Variants in SRPK2 observed in about 807,000 individuals in gnomAD.
SRPK2 encodes SFRS protein kinase 2.
SRPK2 carries 21 observed loss-of-function variants against 90.8 expected under a neutral mutation model. The ratio of observed to expected loss-of-function variants is 0.23; its 90% CI spans 0.16 to 0.33. The LOEUF (loss-of-function observed/expected upper bound fraction) is 0.33, where lower values mean the gene tolerates loss of function less well. SRPK2 is among the 10% of genes least tolerant of loss of function. The pLI is 1.00. For missense variants in SRPK2, 620 were observed against 869.0 expected, an observed-to-expected ratio of 0.71 and a Z score of 3.60; for synonymous variants, 288 against 311.1, an observed-to-expected ratio of 0.93 and a Z score of 0.78.
chr7:105,376,508 T>A (rs1316403212), intron 2 of SRPK2, among the ~76,000 whole-genome samples: 2 of 151,548 alleles, frequency 1.3e-5, no homozygotes, highest in African/African-American at 4.8e-5. Flanking sequence ...TCTAACTTTC[T>A]ACTAGCTCCT....
intron 2 of SRPK2, among the ~76,000 whole-genome samples, chr7:105,349,859 C>T (rs1816946548): frequency 6.6e-6 from 1 of 152,074 alleles, no homozygotes; most frequent in South Asian, 2.1e-4. Context: ...CTGCCTCAGC[C>T]TCCTGCATAG....
At position 105,142,278 on chromosome 7, in the gene SRPK2, A is replaced by G. The variant is rs1803892496; in HGVS notation, c.1273T>C (p.Tyr425His). The G allele has an allele frequency of 1.2e-6, 2 of 1,614,000 alleles. No homozygotes were observed. The highest frequency in any genetic ancestry group is 1.3e-5 in the African/African-American group (1 of 74,892). Residue 425 changes from tyrosine (Y) to histidine (H), a missense_variant, in exon 11 of 16, where the codon TAT (tyrosine) becomes CAT (histidine). By Grantham distance (83) the Tyr-to-His change is moderately conservative. Coordinates refer to ENST00000393651, the MANE Select transcript of SRPK2 (RefSeq NM_182692.3). The part of the protein sequence containing the change: ...DEEDCPNPEE[Y>H]NLDEPNAESD... ...TCTGCATTTGGCTCATCAAGATTAT[A>G]TTCCTCAGGATTTGGGCAGTCTTCT...
intron 2 of SRPK2, among the ~76,000 whole-genome samples, chr7:105,211,305 G>C (rs974445590): frequency 3.9e-5 from 6 of 151,978 alleles, no homozygotes; most frequent in African/African-American, 1.2e-4. Context: ...TCCAGAATGG[G>C]AAACAGTTCT....
rs1379753857 is a variant in SRPK2, at chr7:105,203,686, CTCT to C, written c.168_170del (p.Glu59del). The C allele has an allele frequency of 1.3e-6, 2 of 1,576,268 alleles. No homozygotes were observed. The highest frequency in any genetic ancestry group is 1.7e-6 in the Non-Finnish European group (2 of 1,164,244). On this transcript the variant is annotated inframe_deletion, in exon 3 of 16. Transcript: ENST00000393651. ...CATCATCTGATCCCAGGATCTCCTC[CTCT>C]GGCTCCGGGGGTGTGGGGTCTGGCA...
intron 2 of SRPK2, among the ~76,000 whole-genome samples, chr7:105,216,525 G>A (rs533744956): frequency 2.6e-5 from 4 of 152,060 alleles, no homozygotes; most frequent in Non-Finnish European, 4.4e-5. Flanking sequence ...ATGGTGGCAC[G>A]CGCCTGTGGT....
chr7:105,122,004 C>G (rs909496032), intron 15 of SRPK2, among the ~76,000 whole-genome samples: 1 of 152,078 alleles, frequency 6.6e-6, no homozygotes. Context: ...ATTGTGTACA[C>G]GTAGAAAGTA....
intron 2 of SRPK2, among the ~76,000 whole-genome samples, chr7:105,375,480 A>C (rs1032896007): frequency 6.6e-6 from 1 of 152,218 alleles, no homozygotes; most frequent in Non-Finnish European, 1.5e-5. Flanking sequence ...CCAGGAGTTT[A>C]AGACTAACCT....
intron 2 of SRPK2, among the ~76,000 whole-genome samples, chr7:105,247,529 T>C (rs6958345): frequency 0.32 from 14,792 of 46,182 alleles, 2,403 homozygotes; most frequent in African/African-American, 0.49. Flanking sequence ...CACACACACA[T>C]AAACACACAC....
chr7:105,118,672 G>A (rs948526200), intron 15 of SRPK2, among the ~76,000 whole-genome samples: 6 of 152,130 alleles, frequency 3.9e-5, no homozygotes, highest in Admixed American at 3.3e-4. Context: ...AATCCTAGCC[G>A]TTTGGGAGGC....
In SRPK2 at chr7:105,200,197, G is replaced by A. The variant is rs117439148; in HGVS notation, c.229+3431C>T. ...TGAGCCTGTAGTCTCAGCTACTCAG[G>A]AGGCTGGCACGAGAATTGCTTGAAC... On this transcript the variant is annotated intron_variant, in intron 3 of 15. Transcript: ENST00000393651. Among the ~76,000 whole-genome samples the A allele has an allele frequency of 2.0e-4, 30 of 152,276 alleles. No individual in the cohort carries two copies. In the East Asian group the frequency reaches 5.4e-3, roughly 27 times the overall value.
chr7:105,175,150 A>C (rs1054371059), intron 3 of SRPK2, among the ~76,000 whole-genome samples: 3 of 151,962 alleles, frequency 2.0e-5, no homozygotes, highest in African/African-American at 7.3e-5. Flanking sequence ...AAAAAAAAAA[A>C]AAGAAAGAAA....
intron 15 of SRPK2, among the ~76,000 whole-genome samples, chr7:105,122,085 A>G (rs1800464901): frequency 6.6e-6 from 1 of 152,250 alleles, no homozygotes; most frequent in African/African-American, 2.4e-5. Context: ...ACACAAGTAG[A>G]CAACCAAATG....
At chr7:105,333,956 CTT>C (rs1250265475) in intron 2 of SRPK2, among the ~76,000 whole-genome samples, 1 of 152,074 alleles carries the variant, frequency 6.6e-6, no homozygotes, top group Non-Finnish European at 1.5e-5. Context: ...GAGTTTCGCT[CTT>C]GTTGCCCAGG....
Position 105,364,405 on chromosome 7 carries a change from G to GTTTTTTTTT in SRPK2, c.71+24234_71+24242dup, listed in dbSNP as rs71152964. Among the ~76,000 whole-genome samples, 13 of 133,924 alleles carry GTTTTTTTTT rather than the reference G, an allele frequency of 9.7e-5. 2 individuals are homozygous for GTTTTTTTTT. Among genetic ancestry groups the GTTTTTTTTT allele is most frequent in the South Asian group, 2.4e-4 (1 of 4,138 alleles). 87.9% of individuals were successfully genotyped at this position (133,924 alleles called of 152,430 possible). On this transcript the variant is annotated intron_variant, in intron 2 of 15. Coordinates refer to ENST00000393651, the MANE Select transcript of SRPK2 (RefSeq NM_182692.3). ...CTTTCCATAGCATACCGTGTGTAAC[G>GTTTTTTTTT]TTTTTTTTTTTTTGAGAAGGAGTCT...
intron 3 of SRPK2, among the ~76,000 whole-genome samples, chr7:105,197,488 C>T (rs1014490568): frequency 2.0e-5 from 3 of 152,160 alleles, no homozygotes; most frequent in Admixed American, 1.3e-4. Flanking sequence ...ATGCCTTCCC[C>T]AGATCCACCT....
chr7:105,316,254 G>A (rs779279910), intron 2 of SRPK2, among the ~76,000 whole-genome samples: 3 of 152,070 alleles, frequency 2.0e-5, no homozygotes, highest in South Asian at 2.1e-4. Flanking sequence ...GAGAGCCACC[G>A]TGCCTGGCCA....
intron 2 of SRPK2, among the ~76,000 whole-genome samples, chr7:105,376,702 T>C (rs1019424996): frequency 1.3e-5 from 2 of 151,612 alleles, no homozygotes; most frequent in Non-Finnish European, 2.9e-5. Context: ...CACTCCCGGC[T>C]AATTTTTGTA....
chr7:105,245,604 G>A (rs924612811), intron 2 of SRPK2, among the ~76,000 whole-genome samples: 4 of 152,156 alleles, frequency 2.6e-5, no homozygotes, highest in Non-Finnish European at 5.9e-5. Context: ...GGAAGCATTT[G>A]GAGAGGACTC....
chr7:105,398,950 T>C (rs1822399378), intron 1 of SRPK2, among the ~76,000 whole-genome samples: 1 of 152,228 alleles, frequency 6.6e-6, no homozygotes, highest in South Asian at 2.1e-4. Flanking sequence ...TCCCATAAAA[T>C]ACTTGGAGGA....
Sources: allele counts gnomAD v4.1 joint callset (sites outside exome capture counted in the v4.1 genomes callset), GRCh38; gene constraint gnomAD v4.1.1; transcripts MANE v1.5; gene names NCBI Gene and HGNC (gene_info 2026-07-23, HGNC 2026-07-21).